CLTA: variants seen among roughly 807,000 people sequenced by gnomAD.
The protein encoded by CLTA is clathrin light chain A.
CLTA carries 9 observed loss-of-function variants against 26.9 expected under a neutral mutation model. That is an observed-to-expected ratio of 0.33 (90% CI 0.20 to 0.58). CLTA has a LOEUF of 0.58. Among genes scored for constraint, CLTA ranks in the 20% least tolerant of loss-of-function variants. The probability of loss-of-function intolerance (pLI) is 0.85; values close to 1 mark genes in which losing one functional copy is unlikely to be tolerated. For synonymous variants in CLTA, 120 were observed against 115.5 expected, an observed-to-expected ratio of 1.04 and a Z score of -0.25; for missense variants, 278 against 294.2, an observed-to-expected ratio of 0.94 and a Z score of 0.40.
chr9:36,199,203 C>T (rs1827253062), intron 3 of CLTA, 107 bp downstream of exon 3: 3 of 771,068 alleles, frequency 3.9e-6, no homozygotes, highest in Middle Eastern at 2.4e-4. Context: ...ATTGTCTGGT[C>T]TTTGGGAAGA....
intron 2 of CLTA, among the ~76,000 whole-genome samples, chr9:36,197,875 TTAAA>T (rs1827145790): frequency 1.3e-5 from 2 of 152,242 alleles, no homozygotes; most frequent in Non-Finnish European, 2.9e-5. Context: ...TACTAATACT[TTAAA>T]TAATTCTCCT....
intron 4 of CLTA, 134 bp from the exon 5 acceptor site, chr9:36,211,469 G>C: frequency 8.2e-7 from 1 of 1,224,118 alleles, no homozygotes; most frequent in Non-Finnish European, 1.1e-6. Flanking sequence ...ACCTGGGCCA[G>C]GGGCTGTTAT....
chr9:36,207,089 C>T (rs1043797467), intron 4 of CLTA, among the ~76,000 whole-genome samples: 18 of 152,234 alleles, frequency 1.2e-4, no homozygotes, highest in African/African-American at 4.3e-4. Context: ...CTCCTGCCTT[C>T]CAGCTGCCTC....
chr9:36,202,228 T>C (rs1448046610), intron 3 of CLTA, among the ~76,000 whole-genome samples: 1 of 152,224 alleles, frequency 6.6e-6, no homozygotes, highest in Non-Finnish European at 1.5e-5. Context: ...GAGATGAACG[T>C]TCCTACTAAC....
chr9:36,190,901 C>G, upstream of CLTA: 1 of 1,316,306 alleles, frequency 7.6e-7, no homozygotes, highest in Non-Finnish European at 9.9e-7. Context: ...CTAGACCGAC[C>G]GGATACACGG....
chr9:36,205,015 G>A (rs1827633295), intron 4 of CLTA, among the ~76,000 whole-genome samples: 2 of 152,202 alleles, frequency 1.3e-5, no homozygotes. Context: ...CTCGTATGCA[G>A]AGGCAGGAAG....
At chr9:36,203,921 A>G (rs1827569922) in intron 3 of CLTA, 147 bp from the exon 4 acceptor site, 3 of 1,085,998 alleles carry the variant, frequency 2.8e-6, no homozygotes, top group Non-Finnish European at 2.6e-6. Flanking sequence ...ACAGAAGTTT[A>G]TCTTCCCCTC....
At chr9:36,205,542 T>C (rs1174581393) in intron 4 of CLTA, among the ~76,000 whole-genome samples, 2 of 152,184 alleles carry the variant, frequency 1.3e-5, no homozygotes, top group African/African-American at 2.4e-5. Flanking sequence ...CATTTAAGTT[T>C]AGTCTGAAGT....
intron 4 of CLTA, chr9:36,210,762 G>C: frequency 7.4e-7 from 1 of 1,359,802 alleles, no homozygotes; most frequent in Non-Finnish European, 1.0e-6. Flanking sequence ...CCATCCCTGT[G>C]ATAGTGCCAC....
At chr9:36,205,879 C>T (rs915050447) in intron 4 of CLTA, among the ~76,000 whole-genome samples, 3 of 151,506 alleles carry the variant, frequency 2.0e-5, no homozygotes, top group African/African-American at 7.3e-5. Flanking sequence ...CCTGCCTCAG[C>T]CTCCCGAGTA....
intron 4 of CLTA, among the ~76,000 whole-genome samples, chr9:36,208,751 CATACA>C (rs1827864155): frequency 6.6e-6 from 1 of 152,182 alleles, no homozygotes; most frequent in African/African-American, 2.4e-5. Context: ...TTTCTGGGCA[CATACA>C]GCAGGGAAGA....
intron 4 of CLTA, among the ~76,000 whole-genome samples, chr9:36,204,774 G>A (rs1444207401): frequency 2.0e-5 from 3 of 152,186 alleles, no homozygotes; most frequent in Admixed American, 2.0e-4. Flanking sequence ...GTTGTGAGGA[G>A]AAAAACGCTT....
At position 36,197,599 on chromosome 9, in the gene CLTA, C is replaced by T; in HGVS notation, c.255+11C>T. ...GGTGAATACTACCAGGTACAGAGTA[C>T]TCTGATTCTGTTCATTGATAGTGAT... On this transcript the variant is annotated intron_variant, in intron 2 of 4. Transcript: ENST00000345519. 1 of 1,586,616 alleles carries T rather than the reference C, an allele frequency of 6.3e-7. No homozygotes were observed. Among genetic ancestry groups the T allele is most frequent in the Non-Finnish European group, 8.6e-7 (1 of 1,157,826 alleles).
At chr9:36,196,122 CA>C (rs1328948934) in intron 1 of CLTA, among the ~76,000 whole-genome samples, 1 of 150,766 alleles carries the variant, frequency 6.6e-6, no homozygotes. Context: ...ACTAAAACTA[CA>C]AAAAAAATTA....
At chr9:36,196,342 C>CTTTT (rs372357204) in intron 1 of CLTA, among the ~76,000 whole-genome samples, 16 of 135,138 alleles carry the variant, frequency 1.2e-4, no homozygotes, top group Non-Finnish European at 2.0e-4. Context: ...TTTCTTTTTT[C>CTTTT]TTTTTTTTTT....
At chr9:36,192,245 A>C (rs1826777136) in intron 1 of CLTA, among the ~76,000 whole-genome samples, 1 of 152,242 alleles carries the variant, frequency 6.6e-6, no homozygotes, top group Non-Finnish European at 1.5e-5. Context: ...TCAAACCTTA[A>C]GGAGCCAGGT....
chr9:36,199,060 T>C lies in CLTA; in HGVS notation c.337T>C (p.Trp113Arg). 1 of 1,613,798 alleles carries C rather than the reference T, an allele frequency of 6.2e-7. No homozygotes were observed. The highest frequency in any genetic ancestry group is 2.2e-5 in the East Asian group (1 of 44,882). ...LQSEPESIRK[W>R]REEQMERLEA... ...GTCAGAGCCTGAAAGTATCCGTAAA[T>C]GGAGAGAAGAACAAATGGAACGCTT... The change falls in exon 3 of 5, where the codon TGG becomes CGG. Residue 113 changes from tryptophan (W) to arginine (R), a missense_variant. By Grantham distance (101) the Trp-to-Arg change is moderately radical. Coordinates refer to ENST00000345519, the MANE Select transcript of CLTA (RefSeq NM_001833.4).
At position 36,199,090 on chromosome 9, in the gene CLTA, G is replaced by GCCCTTGGTAAGGAAT. The variant is rs749595380; in HGVS notation, c.373_373+14dup. Reference sequence around the variant, plus strand: ...AGAAGAACAAATGGAACGCTTGGAAGCCCTTGGTAAGGAATCCCTTCTGTG... The same window carrying GCCCTTGGTAAGGAAT: ...AGAAGAACAAATGGAACGCTTGGAAGCCCTTGGTAAGGAATCCCTTGGTAAGGAATCCCTTCTGTG... On this transcript the variant is annotated inframe_insertion, in exon 3 of 5. Transcript: ENST00000345519. 25 of 1,607,670 alleles carry GCCCTTGGTAAGGAAT rather than the reference G, an allele frequency of 1.6e-5. No homozygotes were observed. The South Asian group carries it at 2.5e-4, about 16-fold the overall frequency.
intron 3 of CLTA, 55 bp downstream of exon 3, chr9:36,199,151 G>T: frequency 9.0e-7 from 1 of 1,112,512 alleles, no homozygotes; most frequent in South Asian, 1.2e-5. Context: ...AGTTGAGCTG[G>T]ACTCTACTTT....
Sources: allele counts gnomAD v4.1 joint callset (sites outside exome capture counted in the v4.1 genomes callset), GRCh38; gene constraint gnomAD v4.1.1; transcripts MANE v1.5; gene names NCBI Gene and HGNC (gene_info 2026-07-23, HGNC 2026-07-21).